The following HLA-F variants were observed in gnomAD, a reference collection of about 807,000 sequenced individuals.
The protein encoded by HLA-F is major histocompatibility complex, class I, F, also known as HLA class I histocompatibility antigen, alpha chain F.
In HLA-F, 46 loss-of-function variants were observed where a neutral mutation model predicts 49.5. That is an observed-to-expected ratio of 0.93 (90% CI 0.73 to 1.19). The LOEUF is 1.19. HLA-F is among the 50% of genes most tolerant of loss of function. HLA-F has a pLI of 0.00. For missense variants in HLA-F, 496 were observed against 579.6 expected (o/e 0.86, Z 1.48); for synonymous variants, 203 against 233.5 (o/e 0.87, Z 1.19).
chr6:29,726,547 G>T, intron 6 of HLA-F: 1 of 1,499,944 alleles, frequency 6.7e-7, no homozygotes, highest in Non-Finnish European at 8.8e-7. Flanking sequence ...TGTTTTTATA[G>T]CATGCACGTA....
At position 29,724,389 on chromosome 6, in the gene HLA-F, A is replaced by T; in HGVS notation, c.551A>T (p.Glu184Val). ...GAGTTCAGGACCTACCTGGAGGGCG[A>T]GTGCCTGGAGTTGCTCCGCAGATAC... ...AEEFRTYLEGECLELLRRYLE... is the reference protein window; with the variant it reads ...AEEFRTYLEGVCLELLRRYLE... Residue 184 changes from glutamate to valine, a missense_variant, in exon 3 of 7, where the codon GAG becomes GTG. Transcript: ENST00000259951. 1 of 1,613,158 alleles carries T rather than the reference A, an allele frequency of 6.2e-7. No homozygotes were observed. The highest frequency in any genetic ancestry group is 1.1e-5 in the South Asian group (1 of 91,060).
At chr6:29,727,865 CAG>C (rs1184823457), downstream of HLA-F, 6 of 461,912 alleles carry the variant, frequency 1.3e-5, no homozygotes, top group Admixed American at 2.2e-5. Context: ...CTTCAACCAT[CAG>C]GCCAGGCCCC....
Position 29,727,074 on chromosome 6 carries a change from C to A in HLA-F, c.1228C>A (p.Gln410Lys). 1 of 1,613,190 alleles carries A rather than the reference C, an allele frequency of 6.2e-7. No individual in the cohort carries two copies. ...TSFNTAFLAL[Q>K]SLRFGFGFRR... The stretch of plus-strand genomic sequence containing the variant: ...TTTCAACACTGCCTTCTTGGCCTTG[C>A]AAAGCCTTCGCTTTGGCTTCGGCTT... The change falls in exon 7 of 7, where the codon CAA (glutamine) becomes AAA (lysine). Residue 410 changes from glutamine to lysine, a missense_variant. Physicochemically the swap from Gln to Lys is moderately conservative, Grantham distance 53. Transcript: ENST00000259951.
chr6:29,727,557 C>G (rs1193693877), downstream of HLA-F, among the ~76,000 whole-genome samples: 4 of 152,162 alleles, frequency 2.6e-5, no homozygotes, highest in African/African-American at 7.2e-5. Flanking sequence ...CTTTTTTCCT[C>G]TAACTGCTAT....
chr6:29,728,653 A>C (rs1012512271), downstream of HLA-F: 3 of 152,232 alleles, frequency 2.0e-5, no homozygotes, highest in Admixed American at 6.5e-5. Context: ...TCAAAGAAAT[A>C]ATATTTTGAC....
chr6:29,737,769 C>T (rs1017118708), intron 3 of HLA-F: 14 of 152,248 alleles, frequency 9.2e-5, no homozygotes, highest in African/African-American at 3.4e-4. Flanking sequence ...ACACTGAGCA[C>T]CCAGAACTAC....
At chr6:29,734,065 G>A (rs1776850666) in intron 3 of HLA-F, among the ~76,000 whole-genome samples, 1 of 152,148 alleles carries the variant, frequency 6.6e-6, no homozygotes, top group South Asian at 2.1e-4. Context: ...CACCAGTGGA[G>A]GCCACACAAC....
chr6:29,729,903 T>A (rs1356652361), downstream of HLA-F, among the ~76,000 whole-genome samples: 2 of 152,246 alleles, frequency 1.3e-5, no homozygotes, highest in Non-Finnish European at 1.5e-5. Flanking sequence ...TATGCTGAAC[T>A]TCACTAGTCC....
chr6:29,737,218 C>CAAAAAAAAAAAA lies in HLA-F; in HGVS notation c.404-892_404-881dup, dbSNP rs3030698. Among the ~76,000 whole-genome samples the CAAAAAAAAAAAA allele has an allele frequency of 1.4e-3, 89 of 65,192 alleles. 3 individuals are homozygous for CAAAAAAAAAAAA. Among genetic ancestry groups the CAAAAAAAAAAAA allele is most frequent in the African/African-American group, 5.2e-3 (70 of 13,574 alleles). 42.8% of individuals were successfully genotyped at this position (65,192 alleles called of 152,430 possible). On this transcript the variant is annotated intron_variant, in intron 3 of 4. Coordinates refer to the HLA-F transcript ENST00000465459. ...GATATAGTACCATCAATCCTCATGG[C>CAAAAAAAAAAAA]AAAAAAAAAAAAAAAAAAAAAAACC...
intron 6 of HLA-F, 185 bp from the exon 7 acceptor site, chr6:29,726,698 C>A: frequency 7.6e-7 from 1 of 1,311,306 alleles, no homozygotes; most frequent in Non-Finnish European, 1.1e-6. Context: ...GTGGCAACAA[C>A]CAAAGCATCG....
At chr6:29,724,760 C>T (rs149635887) in intron 3 of HLA-F, among the ~76,000 whole-genome samples, 15 of 152,288 alleles carry the variant, frequency 9.8e-5, no homozygotes, top group African/African-American at 3.6e-4. Context: ...AAGTTTTGTT[C>T]TCTGCCTCAC....
At position 29,725,434 on chromosome 6, in the gene HLA-F, C is replaced by T. The variant is rs1362300096; in HGVS notation, c.887-13C>T. The T allele has an allele frequency of 1.2e-6, 2 of 1,612,936 alleles. No individual in the cohort carries two copies. Among genetic ancestry groups the T allele is most frequent in the South Asian group, 1.1e-5 (1 of 90,982 alleles). The stretch of plus-strand genomic sequence containing the variant: ...TGGAGATCAGGGCCCCTCACCTTCC[C>T]TTCCTTTCCCAGAGCAGTCTCCCCA... On this transcript the variant is annotated splice_polypyrimidine_tract_variant and intron_variant, in intron 4 of 6. Coordinates refer to ENST00000259951, the MANE Select transcript of HLA-F (RefSeq NM_001098479.2).
chr6:29,724,285 G>C lies in HLA-F; in HGVS notation c.447G>C (p.Glu149Asp), dbSNP rs760239368. ...YDGKDYISLN[E>D]DLRSWTAADT... is the part of the protein sequence containing the mutation. ...GCAAGGATTACATCTCCCTGAACGAGGACCTGCGCTCCTGGACCGCGGCGG... is the reference window on the plus strand; with the variant it reads ...GCAAGGATTACATCTCCCTGAACGACGACCTGCGCTCCTGGACCGCGGCGG... Residue 149 changes from glutamate to aspartate, a missense_variant, in exon 3 of 7, where the codon GAG (glutamate) becomes GAC (aspartate). Physicochemically the swap from Glu to Asp is conservative, Grantham distance 45. Coordinates refer to ENST00000259951, the MANE Select transcript of HLA-F (RefSeq NM_001098479.2). 62 of 1,613,170 alleles carry C rather than the reference G, an allele frequency of 3.8e-5. No homozygotes were observed. Among genetic ancestry groups the C allele is most frequent in the Non-Finnish European group, 3.4e-6 (4 of 1,180,056 alleles).
exon 5 of HLA-F, chr6:29,738,502 A>G (rs1192118016): frequency 1.3e-5 from 2 of 152,256 alleles, no homozygotes; most frequent in Non-Finnish European, 2.9e-5. Flanking sequence ...TACATACTTC[A>G]TAAATAATAA....
intron 5 of HLA-F, 156 bp from the exon 6 acceptor site, chr6:29,725,855 A>T: frequency 1.2e-6 from 1 of 835,246 alleles, no homozygotes; most frequent in Non-Finnish European, 2.0e-6. Flanking sequence ...TTGGTCCAGG[A>T]CCCACATCTG....
At chr6:29,724,697 C>G (rs1023661702) in intron 3 of HLA-F, among the ~76,000 whole-genome samples, 4 of 139,188 alleles carry the variant, frequency 2.9e-5, no homozygotes, top group Non-Finnish European at 6.2e-5. Flanking sequence ...GAATACCGAT[C>G]CGCGGTCCCC....
intron 6 of HLA-F, chr6:29,726,301 G>C: frequency 8.0e-7 from 1 of 1,255,054 alleles, no homozygotes; most frequent in Non-Finnish European, 1.2e-6. Context: ...CTGTGCTATT[G>C]GGTTTCTTTG....
rs915801521 is a variant in HLA-F at position 29,737,939 on chromosome 6, A to T, written c.404-183A>T. 2.6e-5 allele frequency: 4 copies of T among 152,320 alleles called. No individual in the cohort carries two copies. The South Asian group carries it at 6.2e-4, about 24-fold the overall frequency. The allele number at this position is 152,320 out of a possible 1,614,324, so 9.4% of individuals were successfully genotyped here. On this transcript the variant is annotated intron_variant, in intron 3 of 4. Transcript: ENST00000465459. Reference sequence around the variant, plus strand: ...TGGCCCCACTCTGGAGGCTCTGGCCATCGGTGTAGAGGGGACAGGTCCTCA... The same window carrying T: ...TGGCCCCACTCTGGAGGCTCTGGCCTTCGGTGTAGAGGGGACAGGTCCTCA...
chr6:29,730,349 A>G (rs1042748230), downstream of HLA-F, among the ~76,000 whole-genome samples: 1 of 152,230 alleles, frequency 6.6e-6, no homozygotes, highest in Non-Finnish European at 1.5e-5. Flanking sequence ...AGGCAAATTC[A>G]TAGAAACAGA....
Sources: gnomAD v4.1 joint callset for allele counts (sites outside exome capture counted in the v4.1 genomes callset) on GRCh38, gnomAD v4.1.1 for gene constraint, MANE v1.5 for transcripts, NCBI Gene and HGNC (gene_info 2026-07-23, HGNC 2026-07-21) for gene names.